The following PIP5K1B variants were observed in gnomAD, a reference collection of about 807,000 sequenced individuals.
PIP5K1B encodes the protein phosphatidylinositol 4-phosphate 5-kinase type-1 beta.
A neutral mutation model predicts 67.0 loss-of-function variants in PIP5K1B; 42 were observed. The ratio of observed to expected loss-of-function variants is 0.63; its 90% CI spans 0.49 to 0.81. The LOEUF (loss-of-function observed/expected upper bound fraction) is 0.81, where lower values mean the gene tolerates loss of function less well. Ranked by LOEUF, PIP5K1B falls within the 30% of genes least tolerant of loss-of-function variation. The probability of loss-of-function intolerance (pLI) is 0.00; values close to 1 mark genes in which losing one functional copy is unlikely to be tolerated. For synonymous variants in PIP5K1B, 214 were observed against 231.4 expected (o/e 0.92, Z 0.68); for missense variants, 459 against 646.3 (o/e 0.71, Z 3.14).
At chr9:68,797,693 C>T (rs567235208) in intron 2 of PIP5K1B, among the ~76,000 whole-genome samples, 46 of 152,246 alleles carry the variant, frequency 3.0e-4, no homozygotes, top group African/African-American at 8.7e-4. Context: ...ATTATGGCTA[C>T]AGATTCACAA....
At chr9:68,830,422 T>A (rs1440223632) in intron 4 of PIP5K1B, among the ~76,000 whole-genome samples, 1 of 89,594 alleles carries the variant, frequency 1.1e-5, no homozygotes, top group African/African-American at 4.0e-5. Flanking sequence ...AGCTTCAGAT[T>A]AAAACAGCTG....
intron 2 of PIP5K1B, among the ~76,000 whole-genome samples, chr9:68,794,519 T>C (rs1292141826): frequency 6.6e-6 from 1 of 152,176 alleles, no homozygotes; most frequent in Non-Finnish European, 1.5e-5. Context: ...TTTACTGACT[T>C]ACTTCCTTCA....
In PIP5K1B at chr9:68,761,256, C is replaced by T. The variant is rs189207981; in HGVS notation, c.-86+18599C>T. 1.9e-3 allele frequency among the ~76,000 whole-genome samples: 284 copies of T among 152,058 alleles called. 1 individual carries two copies. Among genetic ancestry groups the T allele is most frequent in the Middle Eastern group, 3.4e-3 (1 of 294 alleles). On this transcript the variant is annotated intron_variant, in intron 2 of 15. Coordinates refer to ENST00000265382, the MANE Select transcript of PIP5K1B (RefSeq NM_003558.4). ...AAAGCCTCAAAATTCCATACCAATT[C>T]GAATATATTTCAGACCATTGCTATA... is the stretch of plus-strand genomic sequence containing the variant.
intron 14 of PIP5K1B, among the ~76,000 whole-genome samples, chr9:68,947,720 T>A (rs1400273050): frequency 3.3e-5 from 5 of 152,236 alleles, no homozygotes; most frequent in Admixed American, 6.5e-5. Context: ...TAGTACTATG[T>A]AAAGTAGCCA....
chr9:68,734,827 T>C (rs180875313), intron 1 of PIP5K1B, among the ~76,000 whole-genome samples: 1 of 152,370 alleles, frequency 6.6e-6, no homozygotes, highest in Admixed American at 6.5e-5. Context: ...CATTTGATTG[T>C]TGTAGGAACC....
intron 14 of PIP5K1B, among the ~76,000 whole-genome samples, chr9:68,957,938 A>G (rs560186462): frequency 1.3e-4 from 19 of 151,580 alleles, no homozygotes; most frequent in African/African-American, 4.1e-4. Flanking sequence ...CAGTGGTGCA[A>G]TCTCAGCTCA....
intron 2 of PIP5K1B, among the ~76,000 whole-genome samples, chr9:68,796,573 T>G (rs965400029): frequency 7.9e-5 from 12 of 152,230 alleles, no homozygotes; most frequent in African/African-American, 2.9e-4. Flanking sequence ...GACAGCATTT[T>G]CCTCATTTGA....
chr9:68,880,631 AC>A (rs1268773538), intron 6 of PIP5K1B, among the ~76,000 whole-genome samples: 2 of 137,544 alleles, frequency 1.5e-5, no homozygotes, highest in African/African-American at 5.2e-5. Context: ...ACACACACAC[AC>A]ACACAAAATA....
intron 14 of PIP5K1B, among the ~76,000 whole-genome samples, chr9:68,954,682 T>C (rs1475670289): frequency 6.6e-6 from 1 of 152,176 alleles, no homozygotes; most frequent in Non-Finnish European, 1.5e-5. Context: ...ACATGCCCCA[T>C]AGACAAGCCC....
intron 4 of PIP5K1B, among the ~76,000 whole-genome samples, chr9:68,857,677 G>A (rs1822847414): frequency 6.6e-6 from 1 of 152,098 alleles, no homozygotes; most frequent in Non-Finnish European, 1.5e-5. Context: ...ATCAACCTGA[G>A]CCATAAAATG....
intron 4 of PIP5K1B, among the ~76,000 whole-genome samples, chr9:68,848,466 C>T (rs1822311427): frequency 1.3e-5 from 2 of 152,174 alleles, no homozygotes; most frequent in Admixed American, 6.5e-5. Flanking sequence ...CATGTTCCTC[C>T]AAGAGTCCAG....
intron 8 of PIP5K1B, among the ~76,000 whole-genome samples, chr9:68,913,198 C>T (rs976042446): frequency 3.3e-5 from 5 of 152,152 alleles, no homozygotes; most frequent in Non-Finnish European, 7.4e-5. Context: ...TGAATCATTC[C>T]TGTTTCCTTT....
chr9:68,867,105 A>G (rs1209521893), intron 5 of PIP5K1B, among the ~76,000 whole-genome samples: 1 of 152,174 alleles, frequency 6.6e-6, no homozygotes, highest in Non-Finnish European at 1.5e-5. Flanking sequence ...AAGCAACCTT[A>G]CTAAAAACAC....
At chr9:68,940,577 A>G in intron 13 of PIP5K1B, 69 bp from the exon 14 acceptor site, 1 of 1,414,216 alleles carries the variant, frequency 7.1e-7, no homozygotes, top group Non-Finnish European at 9.7e-7. Flanking sequence ...ACTCATTTCA[A>G]TTATTATAGA....
intron 2 of PIP5K1B, among the ~76,000 whole-genome samples, chr9:68,809,516 G>T (rs1833046829): frequency 6.6e-6 from 1 of 152,092 alleles, no homozygotes. Context: ...TACGATCATA[G>T]GTGGAAGGAG....
At chr9:68,891,253 G>A (rs545894334) in intron 7 of PIP5K1B, among the ~76,000 whole-genome samples, 1 of 152,188 alleles carries the variant, frequency 6.6e-6, no homozygotes, top group East Asian at 1.9e-4. Context: ...CTGTATCAAA[G>A]AAAAATTAAA....
At chr9:68,957,168 T>C (rs1355580456) in intron 14 of PIP5K1B, among the ~76,000 whole-genome samples, 2 of 151,772 alleles carry the variant, frequency 1.3e-5, no homozygotes, top group South Asian at 2.1e-4. Context: ...AGTTACAAGA[T>C]GGCTGCCATA....
At chr9:68,988,697 C>A (rs553752156) in intron 14 of PIP5K1B, among the ~76,000 whole-genome samples, 1 of 151,954 alleles carries the variant, frequency 6.6e-6, no homozygotes, top group Non-Finnish European at 1.5e-5. Context: ...ATGATCTGCC[C>A]GCCTTGGCCT....
chr9:68,945,074 T>C (rs1199397187), intron 14 of PIP5K1B, among the ~76,000 whole-genome samples: 6 of 152,102 alleles, frequency 3.9e-5, no homozygotes, highest in Non-Finnish European at 7.4e-5. Context: ...ACCTTTTTTT[T>C]TTTTTTGCTG....
Sources: gnomAD v4.1 joint callset for allele counts (sites outside exome capture counted in the v4.1 genomes callset) on GRCh38, gnomAD v4.1.1 for gene constraint, MANE v1.5 for transcripts, NCBI Gene and HGNC (gene_info 2026-07-23, HGNC 2026-07-21) for gene names.